MYT1L: variants seen among roughly 807,000 people sequenced by gnomAD.
The protein encoded by MYT1L is myelin transcription factor 1-like protein.
A neutral mutation model predicts 126.7 loss-of-function variants in MYT1L; 12 were observed. The ratio of observed to expected loss-of-function variants is 0.09; its 90% confidence interval spans 0.06 to 0.15. The LOEUF (loss-of-function observed/expected upper bound fraction) is 0.15, where lower values mean the gene tolerates loss of function less well. MYT1L is among the 10% of genes least tolerant of loss of function. The pLI is 1.00. For synonymous variants in MYT1L, 541 were observed against 604.2 expected (o/e 0.90, Z 1.53); for missense variants, 979 against 1,585.2 (o/e 0.62, Z 6.49).
rs1288914520 is a variant in MYT1L, at chr2:1,876,860, G to A, written c.2711+9679C>T. ...CCTGCCCCTCCTCTGCTGGCATCCCGATGTCTTCTAAGCATGCTGGGACTA... is the reference window on the plus strand; with the variant it reads ...CCTGCCCCTCCTCTGCTGGCATCCCAATGTCTTCTAAGCATGCTGGGACTA... On this transcript the variant is annotated intron_variant, in intron 18 of 24. Transcript: ENST00000647738. Among the ~76,000 whole-genome samples the A allele has an allele frequency of 6.6e-5, 10 of 152,164 alleles. No homozygotes were observed. In the East Asian group the frequency reaches 1.9e-3, roughly 29 times the overall value.
intron 1 of MYT1L, among the ~76,000 whole-genome samples, chr2:2,302,961 T>G (rs916248911): frequency 6.6e-6 from 1 of 152,148 alleles, no homozygotes; most frequent in Non-Finnish European, 1.5e-5. Flanking sequence ...ATACATGTAT[T>G]TATTTTTAGT....
chr2:2,178,109 C>G (rs17247331), intron 2 of MYT1L, among the ~76,000 whole-genome samples: 3 of 151,944 alleles, frequency 2.0e-5, no homozygotes, highest in African/African-American at 4.8e-5. Context: ...TAATAATTTA[C>G]TTGATTGCCA....
chr2:1,892,186 T>C lies in MYT1L; in HGVS notation c.2134A>G (p.Ser712Gly). Reference protein sequence around the residue: ...NLSCGGGSSASSTCSKSSFDY... With the variant: ...NLSCGGGSSAGSTCSKSSFDY... ...AAGCTGCTCTTGCTGCACGTGCTGC[T>C]GGCGCTGCTGCCCCCGCCGCAGCTC... The change falls in exon 15 of 25, where the codon AGC becomes GGC. Residue 712 changes from serine (S) to glycine (G), a missense_variant. Physicochemically the swap from Ser to Gly is moderately conservative, Grantham distance 56. Around this residue, in one of 12 missense-constraint regions of MYT1L, gnomAD observed 57 missense variants for 60.3 expected, o/e 0.94. Transcript: ENST00000647738. 1.3e-6 allele frequency: 2 copies of C among 1,549,490 alleles called. No individual in the cohort carries two copies. Among genetic ancestry groups the C allele is most frequent in the Non-Finnish European group, 8.7e-7 (1 of 1,146,610 alleles).
At chr2:1,812,649 G>A (rs1317947977) in intron 21 of MYT1L, among the ~76,000 whole-genome samples, 2 of 152,008 alleles carry the variant, frequency 1.3e-5, no homozygotes, top group Admixed American at 6.5e-5. Context: ...AGGCCGAGGC[G>A]GACAGATCAT....
chr2:2,107,074 T>C (rs897223760), intron 3 of MYT1L, among the ~76,000 whole-genome samples: 6 of 152,172 alleles, frequency 3.9e-5, no homozygotes, highest in South Asian at 4.1e-4. Context: ...TGCACGAGTA[T>C]GTCATATTGT....
chr2:2,053,825 G>A (rs1342129141), intron 4 of MYT1L, among the ~76,000 whole-genome samples, 153 bp downstream of exon 4: 1 of 152,182 alleles, frequency 6.6e-6, no homozygotes, highest in Non-Finnish European at 1.5e-5. Context: ...TTTATTAAAA[G>A]CAAGAGGTGT....
In MYT1L at chr2:1,887,786, C is replaced by T. The variant is rs2048341178; in HGVS notation, c.2521-177G>A. Among the ~76,000 whole-genome samples, 1 of 152,124 alleles carries T rather than the reference C, an allele frequency of 6.6e-6. No homozygotes were observed. Among genetic ancestry groups the T allele is most frequent in the Non-Finnish European group, 1.5e-5 (1 of 68,036 alleles). On this transcript the variant is annotated intron_variant, in intron 16 of 24. Coordinates refer to ENST00000647738, the MANE Select transcript of MYT1L (RefSeq NM_001303052.2). The surrounding 1 kb of genome is among the most constrained non-coding windows in gnomAD (Gnocchi z 4.8). ...GAAAATGCATATTGAACTTTTCTTC[C>T]ACTGCTCTAAACTCCTAAAATGATG...
At chr2:1,893,274 T>C (rs1049567815) in intron 14 of MYT1L, among the ~76,000 whole-genome samples, 2 of 152,256 alleles carry the variant, frequency 1.3e-5, no homozygotes, top group Non-Finnish European at 2.9e-5. Flanking sequence ...TGCCAGTTAA[T>C]GTCACAGGAC....
At position 2,022,045 on chromosome 2, in the gene MYT1L, G is replaced by A. The variant is rs182845641; in HGVS notation, c.-157-24698C>T. ...AAAGGGGCTGAAAAATCTCAGGGTCGGGAGTCTGCAAGGACGACATCTTGT... is the reference window on the plus strand; with the variant it reads ...AAAGGGGCTGAAAAATCTCAGGGTCAGGAGTCTGCAAGGACGACATCTTGT... On this transcript the variant is annotated intron_variant, in intron 4 of 24. Coordinates refer to ENST00000647738, the MANE Select transcript of MYT1L (RefSeq NM_001303052.2). 1.2e-4 allele frequency among the ~76,000 whole-genome samples: 19 copies of A among 152,300 alleles called. No homozygotes were observed. The East Asian group carries it at 2.9e-3, about 23-fold the overall frequency.
At chr2:1,952,897 T>TCC (rs2057986515) in intron 8 of MYT1L, among the ~76,000 whole-genome samples, 1 of 78,632 alleles carries the variant, frequency 1.3e-5, no homozygotes, top group African/African-American at 6.8e-5. Context: ...CTTCCCTCCT[T>TCC]CTTTCCCTTC....
At chr2:2,295,009 C>T (rs561438050) in intron 1 of MYT1L, among the ~76,000 whole-genome samples, 18 of 151,988 alleles carry the variant, frequency 1.2e-4, no homozygotes, top group African/African-American at 2.4e-4. Flanking sequence ...AGGCAGAGAC[C>T]GGATCAGCAG....
chr2:2,200,777 G>T (rs755236527), intron 2 of MYT1L, among the ~76,000 whole-genome samples: 1 of 152,200 alleles, frequency 6.6e-6, no homozygotes, highest in Non-Finnish European at 1.5e-5. Context: ...AGCCCAGGGG[G>T]TTGCGCTCAT....
intron 2 of MYT1L, among the ~76,000 whole-genome samples, chr2:2,214,770 C>T (rs1035332043): frequency 5.3e-5 from 8 of 152,026 alleles, no homozygotes; most frequent in Non-Finnish European, 8.8e-5. Context: ...GATAGTCACA[C>T]GGTAACAAAG....
At chr2:2,122,521 CAT>C (rs772746656) in intron 3 of MYT1L, among the ~76,000 whole-genome samples, 8 of 152,184 alleles carry the variant, frequency 5.3e-5, no homozygotes, top group African/African-American at 1.7e-4. Flanking sequence ...GCACATAACA[CAT>C]GTGTAACACG....
At chr2:2,092,018 G>A (rs1354073500) in intron 3 of MYT1L, among the ~76,000 whole-genome samples, 2 of 152,144 alleles carry the variant, frequency 1.3e-5, no homozygotes, top group East Asian at 3.8e-4. Flanking sequence ...TCAGCAATAA[G>A]GCTGGTTCCA....
chr2:1,924,263 G>T (rs1345393024), intron 9 of MYT1L, among the ~76,000 whole-genome samples: 1 of 152,108 alleles, frequency 6.6e-6, no homozygotes. Flanking sequence ...GAGCATTTGG[G>T]ATTTGTACCT....
chr2:1,904,832 C>T (rs181977436), intron 13 of MYT1L, among the ~76,000 whole-genome samples: 1,680 of 151,076 alleles, frequency 0.011, 16 homozygotes, highest in Middle Eastern at 0.024. Flanking sequence ...CTCGCTCTGT[C>T]CCCCAGGCTG....
At position 2,180,715 on chromosome 2, in the gene MYT1L, T is replaced by A. The variant is rs150007871; in HGVS notation, c.-420-7727A>T. 2.9e-3 allele frequency among the ~76,000 whole-genome samples: 434 copies of A among 151,886 alleles called. 6 individuals are homozygous for A. Among genetic ancestry groups the A allele is most frequent in the African/African-American group, 0.01 (422 of 41,360 alleles). On this transcript the variant is annotated intron_variant, in intron 2 of 24. Transcript: ENST00000647738. ...GTACCTGTATGTGCACCTGTATCTG[T>A]ACCTGTGTGCCTGCATGTGTGCCTG...
At chr2:1,873,922 G>C (rs1241465888) in intron 18 of MYT1L, among the ~76,000 whole-genome samples, 1 of 152,142 alleles carries the variant, frequency 6.6e-6, no homozygotes, top group Non-Finnish European at 1.5e-5. Context: ...CCACCACCCA[G>C]ATGGAGAGGG....
Sources: allele counts gnomAD v4.1 joint callset (sites outside exome capture counted in the v4.1 genomes callset), GRCh38; gene constraint gnomAD v4.1.1; regional missense constraint gnomAD v4.1.1; non-coding constraint Gnocchi (gnomAD v3.1); transcripts MANE v1.5; gene names NCBI Gene and HGNC (gene_info 2026-07-23, HGNC 2026-07-21).